Variants in CNTNAP2 observed in about 807,000 individuals in gnomAD.
The protein encoded by CNTNAP2 is contactin associated protein 2.
A neutral mutation model predicts 155.2 loss-of-function variants in CNTNAP2; 98 were observed. The ratio of observed to expected loss-of-function variants is 0.63; its 90% CI spans 0.54 to 0.75. CNTNAP2 has a LOEUF of 0.75. Ranked by LOEUF, CNTNAP2 falls within the 30% of genes least tolerant of loss-of-function variation. The pLI, the probability that CNTNAP2 is intolerant of heterozygous loss-of-function variation, is 0.00. For synonymous variants in CNTNAP2, 651 were observed against 631.2 expected (o/e 1.03, Z -0.47); for missense variants, 1,727 against 1,688.1 (o/e 1.02, Z -0.40).
chr7:147,553,031 A>T (rs1280359427), intron 11 of CNTNAP2, among the ~76,000 whole-genome samples: 1 of 152,198 alleles, frequency 6.6e-6, no homozygotes, highest in Non-Finnish European at 1.5e-5. Context: ...GTCAGCCAAC[A>T]ATGACAATGT....
chr7:148,087,954 A>G (rs777270177), intron 15 of CNTNAP2, among the ~76,000 whole-genome samples: 4 of 152,164 alleles, frequency 2.6e-5, no homozygotes, highest in Non-Finnish European at 4.4e-5. Flanking sequence ...ATGTGATTTT[A>G]TTGAAAATGA....
At chr7:148,052,654 T>C (rs1802915874) in intron 15 of CNTNAP2, among the ~76,000 whole-genome samples, 1 of 152,202 alleles carries the variant, frequency 6.6e-6, no homozygotes, top group African/African-American at 2.4e-5. Context: ...TAAAGTTATA[T>C]ATAATTGTGA....
intron 4 of CNTNAP2, among the ~76,000 whole-genome samples, chr7:147,107,014 C>T (rs911337965): frequency 6.6e-6 from 1 of 152,172 alleles, no homozygotes; most frequent in Non-Finnish European, 1.5e-5. Flanking sequence ...TTACCCAAAA[C>T]CTAGAGGCTA....
intron 8 of CNTNAP2, among the ~76,000 whole-genome samples, chr7:147,295,552 C>T (rs1805422513): frequency 6.6e-6 from 1 of 152,056 alleles, no homozygotes; most frequent in African/African-American, 2.4e-5. Flanking sequence ...AGCAAAGTAT[C>T]ACCATGGCTA....
intron 21 of CNTNAP2, among the ~76,000 whole-genome samples, chr7:148,278,835 C>G (rs967066359): frequency 2.0e-5 from 3 of 152,182 alleles, no homozygotes; most frequent in Non-Finnish European, 2.9e-5. Context: ...CCAGGAAAGT[C>G]GTCTTTGAGA....
chr7:146,705,416 G>A (rs1012147518), intron 1 of CNTNAP2, among the ~76,000 whole-genome samples: 1 of 152,036 alleles, frequency 6.6e-6, no homozygotes, highest in African/African-American at 2.4e-5. Flanking sequence ...GGGAGGGCAA[G>A]ACAGCTCTCT....
intron 11 of CNTNAP2, among the ~76,000 whole-genome samples, chr7:147,528,920 AC>A (rs1349128346): frequency 2.0e-5 from 3 of 152,362 alleles, no homozygotes; most frequent in Admixed American, 2.0e-4. Context: ...CATATACAGT[AC>A]AGTAGCCACT....
chr7:146,261,832 C>T (rs1178040559), intron 1 of CNTNAP2, among the ~76,000 whole-genome samples: 4 of 152,042 alleles, frequency 2.6e-5, no homozygotes, highest in Non-Finnish European at 4.4e-5. Flanking sequence ...AATACCTAGA[C>T]ATGTTTTTTC....
At chr7:147,541,640 T>C (rs950223826) in intron 11 of CNTNAP2, among the ~76,000 whole-genome samples, 13 of 152,166 alleles carry the variant, frequency 8.5e-5, no homozygotes, top group African/African-American at 3.1e-4. Flanking sequence ...TCGTACCCTG[T>C]AAGGTAAGGT....
At chr7:148,369,195 T>C (rs1798841873) in intron 21 of CNTNAP2, among the ~76,000 whole-genome samples, 1 of 128,322 alleles carries the variant, frequency 7.8e-6, no homozygotes, top group Non-Finnish European at 1.6e-5. Context: ...TTTTTTTTTT[T>C]TTTTTTTTTT....
At chr7:146,562,951 A>G (rs773557389) in intron 1 of CNTNAP2, among the ~76,000 whole-genome samples, 1 of 152,162 alleles carries the variant, frequency 6.6e-6, no homozygotes, top group African/African-American at 2.4e-5. Context: ...TTTTGTATAT[A>G]TAGAATCACA....
chr7:147,027,941 T>C (rs1798954091), intron 3 of CNTNAP2, among the ~76,000 whole-genome samples: 1 of 152,166 alleles, frequency 6.6e-6, no homozygotes, highest in Non-Finnish European at 1.5e-5. Context: ...TTTGTTAACA[T>C]CTTGTAGCCA....
intron 9 of CNTNAP2, among the ~76,000 whole-genome samples, chr7:147,350,805 T>C (rs1179094388): frequency 6.6e-6 from 1 of 151,852 alleles, no homozygotes; most frequent in Admixed American, 6.6e-5. Flanking sequence ...GAACTATTTG[T>C]TCCTAGTCCA....
In CNTNAP2 at chr7:146,131,098, A is replaced by G. The variant is rs148853055; in HGVS notation, c.97+14125A>G. On this transcript the variant is annotated intron_variant, in intron 1 of 23. Transcript: ENST00000361727. The stretch of plus-strand genomic sequence containing the variant: ...TTGTTTCCAATCTTTACATAGTTTC[A>G]CATAACATTTTTGAGAGTATAACTG... Among the ~76,000 whole-genome samples, 18 of 152,330 alleles carry G rather than the reference A, an allele frequency of 1.2e-4. No individual in the cohort carries two copies. The South Asian group carries it at 3.7e-3, about 32-fold the overall frequency.
intron 3 of CNTNAP2, among the ~76,000 whole-genome samples, chr7:146,928,818 G>T (rs764519120): frequency 6.6e-6 from 1 of 152,198 alleles, no homozygotes; most frequent in African/African-American, 2.4e-5. Flanking sequence ...CTACGCCCAC[G>T]GAGTCTCGCT....
chr7:148,253,032 A>AGACAGAT (rs1554408011), intron 20 of CNTNAP2, among the ~76,000 whole-genome samples: 1,694 of 117,612 alleles, frequency 0.014, 14 homozygotes, highest in Middle Eastern at 0.031. Context: ...ATAGATAGAT[A>AGACAGAT]GATAGATAGA....
intron 3 of CNTNAP2, among the ~76,000 whole-genome samples, chr7:146,925,900 A>G (rs1005544046): frequency 1.7e-4 from 26 of 152,152 alleles, no homozygotes; most frequent in African/African-American, 6.3e-4. Flanking sequence ...TAAGGTGACA[A>G]TCCAGAGGGC....
chr7:148,051,975 T>C (rs1213937828), intron 15 of CNTNAP2, among the ~76,000 whole-genome samples: 3 of 151,950 alleles, frequency 2.0e-5, no homozygotes, highest in Non-Finnish European at 4.4e-5. Context: ...CTGTCTCTAC[T>C]AAAAATACAA....
In CNTNAP2 at chr7:148,415,841, A is replaced by T; in HGVS notation, c.*225A>T. On this transcript the variant is annotated 3_prime_UTR_variant, in exon 24 of 24. Coordinates refer to ENST00000361727, the MANE Select transcript of CNTNAP2 (RefSeq NM_014141.6). ...GAGTTTTCCCTTCTGTATCAAAACA[A>T]AATAATACAAAAAATGCTTTTAGAG... 3.3e-6 allele frequency: 2 copies of T among 599,868 alleles called. No homozygotes were observed. Among genetic ancestry groups the T allele is most frequent in the South Asian group, 2.2e-5 (1 of 46,324 alleles). The allele number at this position is 599,868 out of a possible 1,614,324, so 37.2% of individuals were successfully genotyped here. A position where few individuals can be genotyped will look rare whatever the true frequency, so the allele number is the denominator to read the frequency against.
Sources: allele counts gnomAD v4.1 joint callset (sites outside exome capture counted in the v4.1 genomes callset), GRCh38; gene constraint gnomAD v4.1.1; transcripts MANE v1.5; gene names NCBI Gene and HGNC (gene_info 2026-07-23, HGNC 2026-07-21).